The following SEMA3A variants were observed in gnomAD, a reference collection of about 807,000 sequenced individuals.
The protein encoded by SEMA3A is semaphorin 3A.
In SEMA3A, 29 loss-of-function variants were observed where a neutral mutation model predicts 97.9. That is an observed-to-expected ratio of 0.30 (90% CI 0.22 to 0.40). The LOEUF is 0.40. Among genes scored for constraint, SEMA3A ranks in the 10% least tolerant of loss-of-function variants. The pLI is 1.00. For missense variants in SEMA3A, 763 were observed against 951.3 expected, an observed-to-expected ratio of 0.80 and a Z score of 2.60; for synonymous variants, 321 against 323.7, an observed-to-expected ratio of 0.99 and a Z score of 0.09.
At chr7:84,423,209 C>T (rs916133721) in intron 1 of SEMA3A, among the ~76,000 whole-genome samples, 1 of 148,926 alleles carries the variant, frequency 6.7e-6, no homozygotes, top group Non-Finnish European at 1.5e-5. Context: ...AGTTCTCATA[C>T]CATTAGAATA....
In SEMA3A at chr7:84,046,380, G is replaced by A. The variant is rs1269372642; in HGVS notation, c.611C>T (p.Thr204Ile). ...FMGRDFAIFR[T>I]LGHHHPIRTE... ...CCTGATTGGGTGGTGGTGCCCAAGA[G>A]TTCGGAAGATAGCAAAGTCTCGCCC... The change falls in exon 6 of 17, where the codon ACT (threonine) becomes ATT (isoleucine). Residue 204 changes from threonine to isoleucine, a missense_variant. By Grantham distance (89) the Thr-to-Ile change is moderately conservative. This residue lies in a region of SEMA3A where 678 missense variants were observed against 881.3 expected (regional missense o/e 0.77). Transcript: ENST00000265362. 1 of 1,613,152 alleles carries A rather than the reference G, an allele frequency of 6.2e-7. No homozygotes were observed. Among genetic ancestry groups the A allele is most frequent in the Non-Finnish European group, 8.5e-7 (1 of 1,179,436 alleles).
In SEMA3A at chr7:84,046,287, CAT is replaced by C. The variant is rs567493220; in HGVS notation, c.667+35_667+36del. 723 of 1,607,400 alleles carry C rather than the reference CAT, an allele frequency of 4.5e-4. 1 individual carries two copies. In the African/African-American group the frequency reaches 8.7e-3, roughly 19 times the overall value. On this transcript the variant is annotated intron_variant, in intron 6 of 16. Coordinates refer to ENST00000265362, the MANE Select transcript of SEMA3A (RefSeq NM_006080.3). ...TCTCTAGTAACTTAATACAGTTACA[CAT>C]GTTACATGTCTATGTTCTTTCATAA...
At chr7:84,160,857 G>C (rs1168969597) in intron 1 of SEMA3A, among the ~76,000 whole-genome samples, 1 of 152,018 alleles carries the variant, frequency 6.6e-6, no homozygotes. Flanking sequence ...TCCAGCCTGG[G>C]CAACAAGAGT....
At chr7:84,067,956 A>C (rs1336241364) in intron 4 of SEMA3A, among the ~76,000 whole-genome samples, 1 of 140,744 alleles carries the variant, frequency 7.1e-6, no homozygotes, top group East Asian at 2.1e-4. Flanking sequence ...TCATGCTGCT[A>C]TAAAGACACA....
chr7:84,135,825 G>A (rs939243828), intron 1 of SEMA3A, among the ~76,000 whole-genome samples: 1 of 151,966 alleles, frequency 6.6e-6, no homozygotes, highest in African/African-American at 2.4e-5. Context: ...CTGAGATGAG[G>A]CTTTCATGAA....
chr7:83,975,244 A>C (rs1789096479), intron 15 of SEMA3A, among the ~76,000 whole-genome samples: 1 of 152,132 alleles, frequency 6.6e-6, no homozygotes, highest in Non-Finnish European at 1.5e-5. Flanking sequence ...TGAAATTCTA[A>C]CTGAATCTAT....
chr7:84,403,362 A>T (rs929639310), intron 1 of SEMA3A, among the ~76,000 whole-genome samples: 6 of 152,246 alleles, frequency 3.9e-5, no homozygotes, highest in Non-Finnish European at 7.3e-5. Flanking sequence ...GGCACCTGCC[A>T]TTGCCCAGGC....
intron 3 of SEMA3A, among the ~76,000 whole-genome samples, chr7:84,128,319 AAG>A (rs1489872438): frequency 1.3e-5 from 2 of 152,128 alleles, no homozygotes; most frequent in Non-Finnish European, 2.9e-5. Context: ...AAGAAAAGGA[AAG>A]AGGAGATAAA....
intron 2 of SEMA3A, among the ~76,000 whole-genome samples, chr7:84,317,995 T>C (rs955378186): frequency 2.6e-5 from 4 of 152,150 alleles, no homozygotes; most frequent in African/African-American, 7.2e-5. Context: ...AAAAGAGTTG[T>C]CCATAAAATG....
At chr7:84,149,945 G>A (rs1489069718) in intron 1 of SEMA3A, among the ~76,000 whole-genome samples, 2 of 152,158 alleles carry the variant, frequency 1.3e-5, no homozygotes, top group African/African-American at 4.8e-5. Flanking sequence ...AACCAGAAGA[G>A]TCATGTAACA....
At chr7:84,087,927 T>C (rs1054773614) in intron 4 of SEMA3A, among the ~76,000 whole-genome samples, 3 of 152,176 alleles carry the variant, frequency 2.0e-5, no homozygotes, top group Admixed American at 2.0e-4. Context: ...AATGATCCTA[T>C]TCTTGTTTTG....
chr7:84,416,538 C>A (rs561349395), intron 1 of SEMA3A, among the ~76,000 whole-genome samples: 1 of 152,072 alleles, frequency 6.6e-6, no homozygotes, highest in Non-Finnish European at 1.5e-5. Context: ...TGGGCATTTA[C>A]GAGCTCATTT....
intron 5 of SEMA3A, among the ~76,000 whole-genome samples, chr7:84,056,042 T>C (rs949833762): frequency 1.3e-5 from 2 of 152,142 alleles, no homozygotes; most frequent in African/African-American, 2.4e-5. Context: ...AAATACCACA[T>C]GGGCAGTTTA....
In SEMA3A at chr7:83,994,008, C is replaced by T. The variant is rs1269831627; in HGVS notation, c.1452+7947G>A. ...AGTCCCATATTTCTTGGAGGCTTTG[C>T]TCATTTCTTTTTATTCTTTTTTCTC... is the stretch of plus-strand genomic sequence containing the variant. On this transcript the variant is annotated intron_variant, in intron 12 of 16. Transcript: ENST00000265362. 2.8e-5 allele frequency among the ~76,000 whole-genome samples: 4 copies of T among 142,028 alleles called. No homozygotes were observed. In the Admixed American group the frequency reaches 2.9e-4, roughly 10 times the overall value. 93.2% of individuals were successfully genotyped at this position (142,028 alleles called of 152,430 possible). A position where few individuals can be genotyped will look rare whatever the true frequency, so the allele number is the denominator to read the frequency against.
At chr7:84,264,998 G>A (rs1420755848) in intron 3 of SEMA3A, among the ~76,000 whole-genome samples, 1 of 152,072 alleles carries the variant, frequency 6.6e-6, no homozygotes, top group Non-Finnish European at 1.5e-5. Context: ...AGTACACTAA[G>A]GCTCTACCAA....
Position 83,958,576 on chromosome 7 carries a change from T to A in SEMA3A, c.*2795A>T, listed in dbSNP as rs576816480. Reference sequence around the variant, plus strand: ...ACCTTGTCACCTGCGTGGGAAAATCTTGCCTTTTAGGATGATGTTGAACAC... The same window carrying A: ...ACCTTGTCACCTGCGTGGGAAAATCATGCCTTTTAGGATGATGTTGAACAC... On this transcript the variant is annotated 3_prime_UTR_variant, in exon 17 of 17. Coordinates refer to ENST00000265362, the MANE Select transcript of SEMA3A (RefSeq NM_006080.3). 7.2e-5 allele frequency: 11 copies of A among 152,610 alleles called. No individual in the cohort carries two copies. The highest frequency in any genetic ancestry group is 2.4e-4 in the African/African-American group (10 of 41,556). The allele number at this position is 152,610 out of a possible 1,614,324, so 9.5% of individuals were successfully genotyped here. A position where few individuals can be genotyped will look rare whatever the true frequency, so the allele number is the denominator to read the frequency against.
intron 2 of SEMA3A, among the ~76,000 whole-genome samples, chr7:84,353,282 T>A (rs1425638685): frequency 6.6e-6 from 1 of 151,766 alleles, no homozygotes; most frequent in Non-Finnish European, 1.5e-5. Flanking sequence ...GCAGAACCCA[T>A]GGATATGGAG....
Position 84,054,967 on chromosome 7 carries a change from G to A in SEMA3A, c.547+5498C>T, listed in dbSNP as rs560237001. On this transcript the variant is annotated intron_variant, in intron 5 of 16. Transcript: ENST00000265362. ...GGTCTGTTGGAGTACCCTGCCATGT[G>A]AGGTGTCAGTCTGCCCCTGCTGTGG... is the stretch of plus-strand genomic sequence containing the variant. Among the ~76,000 whole-genome samples the A allele has an allele frequency of 2.6e-5, 4 of 152,242 alleles. No homozygotes were observed. In the South Asian group the frequency reaches 8.3e-4, roughly 32 times the overall value.
At chr7:84,478,771 C>A (rs1220652260) in intron 1 of SEMA3A, among the ~76,000 whole-genome samples, 1 of 151,802 alleles carries the variant, frequency 6.6e-6, no homozygotes, top group East Asian at 1.9e-4. Context: ...TAGAAAATAT[C>A]AAGCAGTCTC....
Sources: allele counts gnomAD v4.1 joint callset (sites outside exome capture counted in the v4.1 genomes callset), GRCh38; gene constraint gnomAD v4.1.1; regional missense constraint gnomAD v4.1.1; transcripts MANE v1.5; gene names NCBI Gene and HGNC (gene_info 2026-07-23, HGNC 2026-07-21).